The following ERBB4 variants were observed in gnomAD, a reference collection of about 807,000 sequenced individuals.
ERBB4 encodes erb-b2 receptor tyrosine kinase 4, also known as receptor tyrosine-protein kinase erbB-4.
A neutral mutation model predicts 158.0 loss-of-function variants in ERBB4; 42 were observed. The ratio of observed to expected loss-of-function variants is 0.27; its 90% CI spans 0.21 to 0.34. The LOEUF is 0.34. Among genes scored for constraint, ERBB4 ranks in the 10% least tolerant of loss-of-function variants. The pLI is 1.00. For synonymous variants in ERBB4, 583 were observed against 558.7 expected (o/e 1.04, Z -0.61); for missense variants, 1,333 against 1,624.1 (o/e 0.82, Z 3.08).
chr2:211,495,124 AT>A (rs1227006684), intron 20 of ERBB4, among the ~76,000 whole-genome samples: 1 of 152,090 alleles, frequency 6.6e-6, no homozygotes, highest in Non-Finnish European at 1.5e-5. Context: ...TATAACTTAA[AT>A]GTCTTCATAG....
At chr2:211,660,360 CAGA>C (rs2071377265) in intron 15 of ERBB4, among the ~76,000 whole-genome samples, 1 of 151,874 alleles carries the variant, frequency 6.6e-6, no homozygotes, top group South Asian at 2.1e-4. Context: ...GTGTTGGAGG[CAGA>C]AGAACAGATT....
intron 1 of ERBB4, among the ~76,000 whole-genome samples, chr2:212,398,635 A>G (rs1224333000): frequency 1.3e-5 from 2 of 152,182 alleles, no homozygotes; most frequent in African/African-American, 4.8e-5. Context: ...TAATTACTTA[A>G]ATTACATTTA....
At chr2:211,864,838 C>G (rs1189403973) in intron 3 of ERBB4, among the ~76,000 whole-genome samples, 1 of 151,964 alleles carries the variant, frequency 6.6e-6, no homozygotes, top group Non-Finnish European at 1.5e-5. Context: ...TGGTGGCACC[C>G]TGTCTCTACT....
chr2:211,807,745 G>A (rs937185026), intron 3 of ERBB4, among the ~76,000 whole-genome samples: 2 of 152,192 alleles, frequency 1.3e-5, no homozygotes, highest in African/African-American at 2.4e-5. Context: ...CCCACCAATG[G>A]TGTGAAAGAG....
At chr2:212,213,572 A>G (rs146307749) in intron 1 of ERBB4, among the ~76,000 whole-genome samples, 1 of 152,064 alleles carries the variant, frequency 6.6e-6, no homozygotes, top group Non-Finnish European at 1.5e-5. Flanking sequence ...CATAGGATCT[A>G]CATGTTAGAA....
intron 3 of ERBB4, 119 bp downstream of exon 3, chr2:211,947,311 C>T: frequency 1.2e-6 from 1 of 811,754 alleles, no homozygotes; most frequent in East Asian, 2.6e-5. Context: ...AAATAAATCA[C>T]TGATATTTAA....
At chr2:211,966,801 T>C (rs1319716623) in intron 2 of ERBB4, among the ~76,000 whole-genome samples, 1 of 152,148 alleles carries the variant, frequency 6.6e-6, no homozygotes, top group Non-Finnish European at 1.5e-5. Flanking sequence ...TGAACTTTAT[T>C]ACATTATTAT....
chr2:212,273,474 G>A (rs2085414520), intron 1 of ERBB4, among the ~76,000 whole-genome samples: 1 of 151,794 alleles, frequency 6.6e-6, no homozygotes, highest in South Asian at 2.1e-4. Context: ...TAGCAAATAT[G>A]CTAATAGCAC....
chr2:212,035,774 T>A (rs2076999127), intron 2 of ERBB4, among the ~76,000 whole-genome samples: 2 of 152,220 alleles, frequency 1.3e-5, no homozygotes, highest in Admixed American at 1.3e-4. Flanking sequence ...GCAGATACAA[T>A]AAGTATTAAT....
At chr2:211,647,364 C>T (rs2070812937) in intron 16 of ERBB4, among the ~76,000 whole-genome samples, 1 of 151,648 alleles carries the variant, frequency 6.6e-6, no homozygotes, top group Non-Finnish European at 1.5e-5. Flanking sequence ...TCTCTTCTCT[C>T]TCATCTACAT....
chr2:212,357,337 G>C (rs1035402405), intron 1 of ERBB4, among the ~76,000 whole-genome samples: 1 of 151,854 alleles, frequency 6.6e-6, no homozygotes, highest in African/African-American at 2.4e-5. Context: ...ATTTATCAAA[G>C]AAAAGTGCTC....
intron 3 of ERBB4, among the ~76,000 whole-genome samples, chr2:211,936,774 A>G (rs1310515635): frequency 6.6e-6 from 1 of 152,120 alleles, no homozygotes; most frequent in African/African-American, 2.4e-5. Flanking sequence ...AGAAGTGATA[A>G]ATCAACTAGA....
intron 20 of ERBB4, among the ~76,000 whole-genome samples, chr2:211,462,567 G>A (rs902544083): frequency 3.3e-5 from 5 of 152,042 alleles, no homozygotes; most frequent in Non-Finnish European, 7.4e-5. Flanking sequence ...GAAGAAAAGG[G>A]TTTTTTAAGG....
intron 1 of ERBB4, among the ~76,000 whole-genome samples, chr2:212,307,040 TTGAG>T (rs1463796191): frequency 2.0e-5 from 3 of 151,278 alleles, no homozygotes; most frequent in Admixed American, 6.6e-5. Flanking sequence ...CATTAAATTA[TTGAG>T]TAAGAGAACA....
chr2:211,920,945 T>C (rs1212689323), intron 3 of ERBB4, among the ~76,000 whole-genome samples: 1 of 151,672 alleles, frequency 6.6e-6, no homozygotes, highest in African/African-American at 2.4e-5. Flanking sequence ...AATACTGGAA[T>C]GTTTTATATT....
In ERBB4 at chr2:212,230,942, T is replaced by C. The variant is rs559854057; in HGVS notation, c.83-106039A>G. Among the ~76,000 whole-genome samples, 3 of 152,290 alleles carry C rather than the reference T, an allele frequency of 2.0e-5. No individual in the cohort carries two copies. In the South Asian group the frequency reaches 6.2e-4, roughly 32 times the overall value. ...AGTTGATACCATTAAATAAACTAAT[T>C]TGATTCACTGATACCTAAAAAACTT... On this transcript the variant is annotated intron_variant, in intron 1 of 27. Coordinates refer to ENST00000342788, the MANE Select transcript of ERBB4 (RefSeq NM_005235.3).
At chr2:211,492,550 G>C (rs114081911) in intron 20 of ERBB4, among the ~76,000 whole-genome samples, 4,670 of 152,114 alleles carry the variant, frequency 0.031, 90 homozygotes, top group Middle Eastern at 0.082. Flanking sequence ...AAACCTGTGA[G>C]GTAGAGTCTA....
chr2:211,527,151 A>G (rs763450339), intron 20 of ERBB4, among the ~76,000 whole-genome samples: 1 of 152,116 alleles, frequency 6.6e-6, no homozygotes, highest in African/African-American at 2.4e-5. Context: ...GCATTTGATA[A>G]TCAAACTCCT....
At chr2:212,528,834 G>A (rs529129194) in intron 1 of ERBB4, among the ~76,000 whole-genome samples, 3 of 152,190 alleles carry the variant, frequency 2.0e-5, no homozygotes, top group East Asian at 1.9e-4. Flanking sequence ...TCACCTCTCA[G>A]TTCAGTTATA....
Sources: allele counts gnomAD v4.1 joint callset (sites outside exome capture counted in the v4.1 genomes callset), GRCh38; gene constraint gnomAD v4.1.1; transcripts MANE v1.5; gene names NCBI Gene and HGNC (gene_info 2026-07-23, HGNC 2026-07-21).